The following STRAP variants were observed in gnomAD, a reference collection of about 807,000 sequenced individuals.
STRAP encodes serine-threonine kinase receptor-associated protein.
In STRAP, 16 loss-of-function variants were observed where a neutral mutation model predicts 47.0. The ratio of observed to expected loss-of-function variants is 0.34; its 90% confidence interval spans 0.23 to 0.52. The LOEUF (loss-of-function observed/expected upper bound fraction) is 0.52. Ranked by LOEUF, STRAP falls within the 20% of genes least tolerant of loss-of-function variation. The probability of loss-of-function intolerance (pLI) is 0.96; values close to 1 mark genes in which losing one functional copy is unlikely to be tolerated. For synonymous variants in STRAP, 130 were observed against 142.7 expected (o/e 0.91, Z 0.63); for missense variants, 293 against 420.0 (o/e 0.70, Z 2.64).
chr12:15,885,908 G>A (rs1314890009), intron 2 of STRAP, among the ~76,000 whole-genome samples: 2 of 152,162 alleles, frequency 1.3e-5, no homozygotes, highest in Non-Finnish European at 2.9e-5. Context: ...CATATGTAAA[G>A]TAACGATGAT....
chr12:15,890,005 C>A lies in STRAP; in HGVS notation c.326C>A (p.Thr109Lys). The change falls in exon 3 of 10, where the codon ACG becomes AAG. Residue 109 changes from threonine (T) to lysine (K), a missense_variant. Physicochemically the swap from Thr to Lys is moderately conservative, Grantham distance 78. Coordinates refer to ENST00000419869, the MANE Select transcript of STRAP (RefSeq NM_007178.4). This position sits in a 1 kb window ranked among gnomAD's most constrained non-coding sequence, Gnocchi z 4.5. ...CACATTGTCAAGACTGTGGATTTCACGCAGGTATCAGAAAATGGAATTTAT... is the reference window on the plus strand; with the variant it reads ...CACATTGTCAAGACTGTGGATTTCAAGCAGGTATCAGAAAATGGAATTTAT... Reference protein sequence around the residue: ...HKHIVKTVDFTQDSNYLLTGG... With the variant: ...HKHIVKTVDFKQDSNYLLTGG... 6.2e-7 allele frequency: 1 copy of A among 1,613,150 alleles called. No individual in the cohort carries two copies. Among genetic ancestry groups the A allele is most frequent in the South Asian group, 1.1e-5 (1 of 91,050 alleles).
chr12:15,894,248 C>A lies in STRAP; in HGVS notation c.500+105C>A, dbSNP rs573473585. The A allele has an allele frequency of 4.8e-6, 4 of 825,832 alleles. No individual in the cohort carries two copies. In the South Asian group the frequency reaches 6.1e-5, roughly 13 times the overall value. 51.2% of individuals were successfully genotyped at this position (825,832 alleles called of 1,614,324 possible). ...GCGAGCCGGGTGGATCATTAGAGGTCAGGAGTACTAGACCAGCCTGGCCGA... is the reference window on the plus strand; with the variant it reads ...GCGAGCCGGGTGGATCATTAGAGGTAAGGAGTACTAGACCAGCCTGGCCGA... On this transcript the variant is annotated intron_variant, in intron 5 of 9. Coordinates refer to ENST00000419869, the MANE Select transcript of STRAP (RefSeq NM_007178.4). This position sits in a 1 kb window ranked among gnomAD's most constrained non-coding sequence, Gnocchi z 4.9.
intron 2 of STRAP, among the ~76,000 whole-genome samples, chr12:15,888,032 A>G (rs973769770): frequency 2.0e-5 from 3 of 152,224 alleles, no homozygotes; most frequent in Non-Finnish European, 4.4e-5. Context: ...CAACCATGAA[A>G]TGCATTTCAC....
rs1352676401 is a variant in STRAP at position 15,890,626 on chromosome 12, G to A, written c.360G>A (p.Gln120=). ...QDSNYLLTGG[Q]DKLLRIYDLN... is the part of the protein sequence containing the mutation. ...GTAATTATTTGTTAACCGGGGGACA[G>A]GATAAACTGTTACGCATATATGACT... The change falls in exon 4 of 10, where the codon CAG becomes CAA. Residue 120 remains glutamine, a synonymous_variant. Coordinates refer to ENST00000419869, the MANE Select transcript of STRAP (RefSeq NM_007178.4). The surrounding 1 kb of genome is among the most constrained non-coding windows in gnomAD (Gnocchi z 4.5). The A allele has an allele frequency of 2.5e-6, 4 of 1,611,654 alleles. No homozygotes were observed. Among genetic ancestry groups the A allele is most frequent in the Non-Finnish European group, 2.5e-6 (3 of 1,179,046 alleles).
chr12:15,893,954 ATG>A, intron 4 of STRAP, 91 bp from the exon 5 acceptor site: 1 of 1,017,940 alleles, frequency 9.8e-7, no homozygotes, highest in South Asian at 1.4e-5. Flanking sequence ...CTAATTTAAA[ATG>A]TGTGTTTTTA....
rs767598118 is a variant in STRAP, at chr12:15,894,052, A to G, written c.409A>G (p.Lys137Glu). Residue 137 changes from lysine (K) to glutamate (E), a missense_variant, in exon 5 of 10, where the codon AAG (lysine) becomes GAG (glutamate). This residue lies in a region of STRAP where 152 missense variants were observed against 183.0 expected (regional missense o/e 0.83). Coordinates refer to ENST00000419869, the MANE Select transcript of STRAP (RefSeq NM_007178.4). The surrounding 1 kb of genome is among the most constrained non-coding windows in gnomAD (Gnocchi z 4.9). ...YDLNKPEAEPKEISGHTSGIK... is the reference protein window; with the variant it reads ...YDLNKPEAEPEEISGHTSGIK... Reference sequence around the variant, plus strand: ...TTAAATTGTTTTATCTCAAGAACCTAAGGAAATTAGTGGTCATACTTCTGG... The same window carrying G: ...TTAAATTGTTTTATCTCAAGAACCTGAGGAAATTAGTGGTCATACTTCTGG... 5.6e-6 allele frequency: 9 copies of G among 1,609,878 alleles called. No individual in the cohort carries two copies. In the African/African-American group the frequency reaches 6.7e-5, roughly 12 times the overall value.
At chr12:15,893,198 TCA>T (rs1340545210) in intron 4 of STRAP, among the ~76,000 whole-genome samples, 2 of 151,992 alleles carry the variant, frequency 1.3e-5, no homozygotes, top group African/African-American at 4.8e-5. Context: ...TATGTTTTCC[TCA>T]CAGTGTAGAA....
At chr12:15,885,335 C>T (rs1269541359) in intron 2 of STRAP, among the ~76,000 whole-genome samples, 4 of 151,732 alleles carry the variant, frequency 2.6e-5, no homozygotes. Context: ...ACTACAGGTG[C>T]ACGCCACCAC....
chr12:15,897,123 T>C (rs1948065814), intron 6 of STRAP, among the ~76,000 whole-genome samples: 1 of 152,220 alleles, frequency 6.6e-6, no homozygotes, highest in African/African-American at 2.4e-5. Flanking sequence ...CAAGTTGCTA[T>C]GTAGTGATCC....
intron 7 of STRAP, among the ~76,000 whole-genome samples, chr12:15,899,173 CT>C (rs1282136255): frequency 6.6e-6 from 1 of 152,120 alleles, no homozygotes; most frequent in Non-Finnish European, 1.5e-5. Flanking sequence ...TTTCCAAAAC[CT>C]TGTGTTCTTT....
chr12:15,882,861 G>T (rs761150238), intron 1 of STRAP, 42 bp downstream of exon 1: 10 of 1,575,522 alleles, frequency 6.3e-6, no homozygotes, highest in Non-Finnish European at 6.9e-6. Flanking sequence ...GCTGGGACTG[G>T]GCTGAAAGGG....
rs1947942535 is a variant in STRAP, at chr12:15,883,558, C to T, written c.130C>T (p.Arg44Cys). ...SACKDGKPML[R>C]QGDTGDWIGT... ...TTTTCTAGATGGTAAACCTATGCTA[C>T]GCCAGGGAGATACAGGAGACTGGAT... Residue 44 changes from arginine to cysteine, a missense_variant, in exon 2 of 10, where the codon CGC (arginine) becomes TGC (cysteine). By Grantham distance (180) the Arg-to-Cys change is radical. This residue lies in a region of STRAP where 32 missense variants were observed against 76.1 expected (regional missense o/e 0.42). Coordinates refer to ENST00000419869, the MANE Select transcript of STRAP (RefSeq NM_007178.4). The T allele has an allele frequency of 2.5e-6, 4 of 1,613,488 alleles. No homozygotes were observed. Among genetic ancestry groups the T allele is most frequent in the Non-Finnish European group, 2.5e-6 (3 of 1,179,970 alleles).
Position 15,890,536 on chromosome 12 carries a change from T to G in STRAP, c.331-61T>G. On this transcript the variant is annotated intron_variant, in intron 3 of 9. Coordinates refer to ENST00000419869, the MANE Select transcript of STRAP (RefSeq NM_007178.4). This position sits in a 1 kb window ranked among gnomAD's most constrained non-coding sequence, Gnocchi z 4.5. The stretch of plus-strand genomic sequence containing the variant: ...ATTTTGATTTTATTTGGTGTTGAAA[T>G]TTGAAAGAGAAATAACTATTAAAAT... The G allele has an allele frequency of 2.2e-6, 3 of 1,391,842 alleles. No homozygotes were observed. Among genetic ancestry groups the G allele is most frequent in the Non-Finnish European group, 2.0e-6 (2 of 993,306 alleles). The allele number at this position is 1,391,842 out of a possible 1,614,324, so 86.2% of individuals were successfully genotyped here.
rs911517205 is a variant in STRAP, at chr12:15,887,296, T to C, written c.249-2632T>C. On this transcript the variant is annotated intron_variant, in intron 2 of 9. Transcript: ENST00000419869. The surrounding 1 kb of genome is among the most constrained non-coding windows in gnomAD (Gnocchi z 5.5). ...GGATATGGAAAGTATCAGGCAGCAT[T>C]ATTATTTGCAAGAAACTGGGGTATA... is the stretch of plus-strand genomic sequence containing the variant. 6.6e-6 allele frequency among the ~76,000 whole-genome samples: 1 copy of C among 152,178 alleles called. No homozygotes were observed. The highest frequency in any genetic ancestry group is 1.5e-5 in the Non-Finnish European group (1 of 68,028).
rs2136111429 is a variant in STRAP, at chr12:15,894,812, C to T, written c.501-547C>T. On this transcript the variant is annotated intron_variant, in intron 5 of 9. Transcript: ENST00000419869. This position sits in a 1 kb window ranked among gnomAD's most constrained non-coding sequence, Gnocchi z 4.9. Reference sequence around the variant, plus strand: ...TTGAAATCCAACTTTTTTCTGGTCCCAAGTATTTTCAATTAAGGGATGCTC... The same window carrying T: ...TTGAAATCCAACTTTTTTCTGGTCCTAAGTATTTTCAATTAAGGGATGCTC... Among the ~76,000 whole-genome samples the T allele has an allele frequency of 6.6e-6, 1 of 152,252 alleles. No individual in the cohort carries two copies. Among genetic ancestry groups the T allele is most frequent in the East Asian group, 1.9e-4 (1 of 5,184 alleles).
In STRAP at chr12:15,903,369, GAA is replaced by G. The variant is rs1365182896; in HGVS notation, c.*392_*393del. On this transcript the variant is annotated 3_prime_UTR_variant, in exon 10 of 10. Coordinates refer to ENST00000419869, the MANE Select transcript of STRAP (RefSeq NM_007178.4). Reference sequence around the variant, plus strand: ...TTTCTTTTTTTGCTTCAGTTGTAAAGAAGAGGGAATACATGATAAAGTAACTG... The same window carrying G: ...TTTCTTTTTTTGCTTCAGTTGTAAAGGAGGGAATACATGATAAAGTAACTG... 6.4e-6 allele frequency: 1 copy of G among 155,650 alleles called. No homozygotes were observed. Among genetic ancestry groups the G allele is most frequent in the Non-Finnish European group, 1.4e-5 (1 of 70,538 alleles). The allele number at this position is 155,650 out of a possible 1,614,324, so 9.6% of individuals were successfully genotyped here. A position where few individuals can be genotyped will look rare whatever the true frequency, so the allele number is the denominator to read the frequency against.
At chr12:15,883,232 C>A in intron 1 of STRAP, 1 of 1,218,702 alleles carries the variant, frequency 8.2e-7, no homozygotes, top group South Asian at 1.3e-5. Context: ...GTATTAGCCT[C>A]ATTTTTCAAA....
intron 4 of STRAP, among the ~76,000 whole-genome samples, chr12:15,893,437 CTTT>C (rs911580254): frequency 2.1e-5 from 3 of 146,248 alleles, no homozygotes; most frequent in East Asian, 3.9e-4. Flanking sequence ...ATATAAAATA[CTTT>C]TTATTTATTA....
intron 2 of STRAP, among the ~76,000 whole-genome samples, chr12:15,888,655 T>G (rs1486574675): frequency 2.0e-5 from 3 of 152,178 alleles, no homozygotes; most frequent in Non-Finnish European, 2.9e-5. Context: ...TATTTCTCTT[T>G]GCTTCTTCCG....
Sources: allele counts gnomAD v4.1 joint callset (sites outside exome capture counted in the v4.1 genomes callset), GRCh38; gene constraint gnomAD v4.1.1; regional missense constraint gnomAD v4.1.1; non-coding constraint Gnocchi (gnomAD v3.1); transcripts MANE v1.5; gene names NCBI Gene and HGNC (gene_info 2026-07-23, HGNC 2026-07-21).